Variants in PDE1A observed in about 807,000 individuals in gnomAD.
PDE1A encodes the protein dual specificity calcium/calmodulin-dependent 3',5'-cyclic nucleotide phosphodiesterase 1A.
A neutral mutation model predicts 61.7 loss-of-function variants in PDE1A; 35 were observed. That is an observed-to-expected ratio of 0.57 (90% CI 0.43 to 0.75). The LOEUF is 0.75. PDE1A is among the 30% of genes least tolerant of loss of function. PDE1A has a pLI of 0.00. For synonymous variants in PDE1A, 232 were observed against 213.2 expected, an observed-to-expected ratio of 1.09 and a Z score of -0.77; for missense variants, 597 against 630.6, an observed-to-expected ratio of 0.95 and a Z score of 0.57.
intron 1 of PDE1A, among the ~76,000 whole-genome samples, chr2:182,304,023 C>G (rs1695416216): frequency 6.6e-6 from 1 of 151,624 alleles, no homozygotes; most frequent in Non-Finnish European, 1.5e-5. Flanking sequence ...GCCTCAGCCT[C>G]CCGAGTAGCT....
the PDE1A span, among the ~76,000 whole-genome samples, chr2:182,654,932 G>A: frequency 7.0e-4 from 107 of 152,218 alleles, no homozygotes; most frequent in Non-Finnish European, 1.2e-3. Context: ...GGTCCCAGTG[G>A]GTCAAGGCCT....
chr2:182,447,630 T>TTC (rs138483426), intron 2 of PDE1A, among the ~76,000 whole-genome samples: 6 of 152,184 alleles, frequency 3.9e-5, no homozygotes, highest in African/African-American at 1.4e-4. Context: ...AAAGGCTATA[T>TTC]TTTCAACCTT....
intron 1 of PDE1A, among the ~76,000 whole-genome samples, chr2:182,392,275 G>C (rs1382735819): frequency 6.6e-6 from 1 of 152,206 alleles, no homozygotes; most frequent in Non-Finnish European, 1.5e-5. Flanking sequence ...CCAGGCAAGA[G>C]AGACAGCATG....
chr2:182,540,020 C>T, the PDE1A span, among the ~76,000 whole-genome samples: 1 of 152,078 alleles, frequency 6.6e-6, no homozygotes, highest in Middle Eastern at 3.4e-3. Context: ...AAGACATTGA[C>T]CTAAAGTTCC....
intron 2 of PDE1A, among the ~76,000 whole-genome samples, chr2:182,460,582 T>C (rs1257163813): frequency 6.6e-6 from 1 of 152,138 alleles, no homozygotes; most frequent in Non-Finnish European, 1.5e-5. Flanking sequence ...TTTGCCTTGT[T>C]TCCTTTGCTC....
At chr2:182,206,720 T>C (rs1687134152) in intron 7 of PDE1A, among the ~76,000 whole-genome samples, 1 of 152,136 alleles carries the variant, frequency 6.6e-6, no homozygotes, top group Non-Finnish European at 1.5e-5. Context: ...TAATCTCCAG[T>C]GTTAGGGGAG....
In PDE1A at chr2:182,244,253, T is replaced by G. The variant is rs572357835; in HGVS notation, c.168-3961A>C. Among the ~76,000 whole-genome samples the G allele has an allele frequency of 2.6e-3, 390 of 152,360 alleles. 1 individual carries two copies. Among genetic ancestry groups the G allele is most frequent in the African/African-American group, 9.1e-3 (378 of 41,582 alleles). The stretch of plus-strand genomic sequence containing the variant: ...TTCTCTTCTTCAGGGAAATGGATTA[T>G]GCCTATCAGAGATCTCTTTTATCTA... On this transcript the variant is annotated intron_variant, in intron 2 of 13. Coordinates refer to ENST00000351439, the Ensembl canonical transcript of PDE1A.
chr2:182,689,491 A>G, the PDE1A span, among the ~76,000 whole-genome samples: 2 of 152,240 alleles, frequency 1.3e-5, no homozygotes, highest in African/African-American at 4.8e-5. Context: ...GAGAACAAAG[A>G]CACAACATAC....
At chr2:182,484,454 G>A (rs1029745578) in intron 2 of PDE1A, among the ~76,000 whole-genome samples, 4 of 151,936 alleles carry the variant, frequency 2.6e-5, no homozygotes, top group Non-Finnish European at 1.5e-5. Flanking sequence ...ACAGGAACAG[G>A]CGAAGACTTC....
At chr2:182,558,312 G>A in the PDE1A span, among the ~76,000 whole-genome samples, 11 of 151,472 alleles carry the variant, frequency 7.3e-5, no homozygotes, top group South Asian at 2.1e-4. Context: ...ATATTATGGC[G>A]TTTAAGATTT....
rs1047793513 is a variant in PDE1A, at chr2:182,503,187, C to T, written c.101+19089G>A. 2.0e-5 allele frequency among the ~76,000 whole-genome samples: 3 copies of T among 152,120 alleles called. 1 individual carries two copies. In the East Asian group the frequency reaches 5.8e-4, roughly 29 times the overall value. On this transcript the variant is annotated intron_variant, in intron 2 of 14. Coordinates refer to the PDE1A transcript ENST00000410103. ...AAATATGTCCCAAATCTTCATACTT[C>T]TTACCACCTCCAAAGGCACCAATGT...
At chr2:182,314,676 C>T (rs992732134) in intron 1 of PDE1A, 1 of 152,046 alleles carries the variant, frequency 6.6e-6, no homozygotes, top group African/African-American at 2.4e-5. Context: ...TGCCTGGGAC[C>T]AGGAGGCCAG....
upstream of PDE1A, among the ~76,000 whole-genome samples, chr2:182,525,471 T>C (rs1690764332): frequency 6.6e-6 from 1 of 152,166 alleles, no homozygotes; most frequent in Non-Finnish European, 1.5e-5. Flanking sequence ...TCAAATCTCA[T>C]GTTAAAATAT....
At chr2:182,520,991 A>C (rs1690531084) in intron 2 of PDE1A, among the ~76,000 whole-genome samples, 1 of 152,050 alleles carries the variant, frequency 6.6e-6, no homozygotes, top group Non-Finnish European at 1.5e-5. Flanking sequence ...TTTCTAGCTC[A>C]TCCAAATAAT....
intron 2 of PDE1A, among the ~76,000 whole-genome samples, chr2:182,489,011 T>C (rs896123937): frequency 1.3e-5 from 2 of 152,136 alleles, no homozygotes; most frequent in African/African-American, 4.8e-5. Context: ...AGGTGAAAAG[T>C]TTATAAATAA....
chr2:182,312,831 CA>C (rs34592316), intron 1 of PDE1A, among the ~76,000 whole-genome samples: 122 of 145,142 alleles, frequency 8.4e-4, no homozygotes, highest in Admixed American at 2.9e-3. Context: ...TATGTTTTAC[CA>C]AAAAAAAAAA....
intron 1 of PDE1A, among the ~76,000 whole-genome samples, chr2:182,327,382 T>G (rs1373803731): frequency 6.6e-6 from 1 of 152,182 alleles, no homozygotes; most frequent in Non-Finnish European, 1.5e-5. Flanking sequence ...AAATTTATTT[T>G]CAGAAGTCAA....
chr2:182,179,715 T>C (rs1197032833), intron 13 of PDE1A, among the ~76,000 whole-genome samples: 1 of 152,166 alleles, frequency 6.6e-6, no homozygotes, highest in African/African-American at 2.4e-5. Flanking sequence ...GTCTCTCTCT[T>C]TCTTCCCTGC....
the PDE1A span, among the ~76,000 whole-genome samples, chr2:182,661,102 G>A: frequency 6.6e-6 from 1 of 152,200 alleles, no homozygotes; most frequent in Admixed American, 6.6e-5. Flanking sequence ...CGCCTAGTGA[G>A]TTGACATTAA....
Sources: gnomAD v4.1 joint callset for allele counts (sites outside exome capture counted in the v4.1 genomes callset) on GRCh38, gnomAD v4.1.1 for gene constraint, MANE v1.5 for transcripts, NCBI Gene and HGNC (gene_info 2026-07-23, HGNC 2026-07-21) for gene names.